GGT1: variants seen among roughly 807,000 people sequenced by gnomAD.
The protein encoded by GGT1 is glutathione hydrolase 1 proenzyme.
A neutral mutation model predicts 56.0 loss-of-function variants in GGT1; 21 were observed. The ratio of observed to expected loss-of-function variants is 0.38; its 90% confidence interval spans 0.27 to 0.54. The LOEUF (loss-of-function observed/expected upper bound fraction) is 0.54. GGT1 is among the 20% of genes least tolerant of loss of function. GGT1 has a pLI of 0.82. For missense variants in GGT1, 466 were observed against 787.0 expected (o/e 0.59, Z 4.88); for synonymous variants, 238 against 342.6 (o/e 0.69, Z 3.37).
chr22:24,584,813 G>A, the GGT1 span, among the ~76,000 whole-genome samples: 3 of 151,628 alleles, frequency 2.0e-5, no homozygotes, highest in Non-Finnish European at 2.9e-5. Flanking sequence ...TTCCTTTCCC[G>A]CCTGCCCTGC....
At chr22:24,594,006 G>A (rs569468819), upstream of GGT1, among the ~76,000 whole-genome samples, 1 of 152,318 alleles carries the variant, frequency 6.6e-6, no homozygotes, top group East Asian at 1.9e-4. Context: ...GCAGCAGGCG[G>A]GCTGTATCTG....
chr22:24,605,170 A>G (rs1203243261), intron 1 of GGT1, among the ~76,000 whole-genome samples: 1 of 75,932 alleles, frequency 1.3e-5, no homozygotes, highest in Non-Finnish European at 2.1e-5. Flanking sequence ...TATATATTAT[A>G]TAATATGTAA....
upstream of GGT1, among the ~76,000 whole-genome samples, chr22:24,600,793 GCT>G (rs1352324159): frequency 2.1e-4 from 32 of 152,204 alleles, 1 homozygote; most frequent in Non-Finnish European, 4.1e-4. Flanking sequence ...CTGCTTCTCT[GCT>G]CTGTGACCTT....
At chr22:24,599,734 G>A (rs112403677), upstream of GGT1, among the ~76,000 whole-genome samples, 1,265 of 152,332 alleles carry the variant, frequency 8.3e-3, 7 homozygotes, top group Middle Eastern at 0.017. Flanking sequence ...CCAGCAGGGC[G>A]CAGACTCGTC....
Position 24,628,141 on chromosome 22 carries a change from G to A in GGT1, c.1397G>A (p.Arg466Gln), listed in dbSNP as rs200266956. The change falls in exon 14 of 16, where the codon CGG (arginine) becomes CAG (glutamine). Residue 466 changes from arginine (R) to glutamine (Q), a missense_variant. This residue lies in a region of GGT1 where 456 missense variants were observed against 716.7 expected (regional missense o/e 0.64). Coordinates refer to ENST00000400382, the MANE Select transcript of GGT1 (RefSeq NM_001288833.2). This position sits in a 1 kb window ranked among gnomAD's most constrained non-coding sequence, Gnocchi z 5.7. ...TIMVGQDGQV[R>Q]MVVGAAGGTQ... ...ATGGTGGGCCAGGACGGCCAGGTCC[G>A]GATGGTGGTGGGAGCTGCTGGGGGC... The A allele has an allele frequency of 2.0e-3, 3,223 of 1,611,998 alleles. 12 individuals are homozygous for A. The highest frequency in any genetic ancestry group is 5.5e-3 in the South Asian group (501 of 90,984).
chr22:24,586,403 C>G, the GGT1 span: 346 of 1,610,792 alleles, frequency 2.1e-4, no homozygotes, highest in Non-Finnish European at 2.7e-4. Flanking sequence ...CTGGAGGCTG[C>G]TCTTGAGGCT....
the GGT1 span, chr22:24,586,165 G>C: frequency 6.2e-7 from 1 of 1,613,562 alleles, no homozygotes; most frequent in South Asian, 1.1e-5. Context: ...TGCGGGCAGT[G>C]GCCCGCGTCA....
chr22:24,595,970 A>G (rs549251991), intron 1 of GGT1, among the ~76,000 whole-genome samples: 1 of 152,372 alleles, frequency 6.6e-6, no homozygotes, highest in South Asian at 2.1e-4. Context: ...AGAAGGACAC[A>G]GAATGGTTTG....
chr22:24,597,131 C>T (rs914520241), intron 1 of GGT1, among the ~76,000 whole-genome samples: 2 of 151,630 alleles, frequency 1.3e-5, no homozygotes, highest in African/African-American at 2.4e-5. Flanking sequence ...TACAGGTGCC[C>T]GCCACCACGC....
chr22:24,619,900 CA>C (rs1180620367), intron 7 of GGT1, among the ~76,000 whole-genome samples: 1 of 150,794 alleles, frequency 6.6e-6, no homozygotes, highest in African/African-American at 2.5e-5. Context: ...CCTGGGACAG[CA>C]AAACCCAGCC....
At chr22:24,596,101 G>A (rs1403661680) in intron 1 of GGT1, among the ~76,000 whole-genome samples, 4 of 152,224 alleles carry the variant, frequency 2.6e-5, no homozygotes, top group African/African-American at 9.6e-5. Flanking sequence ...TCATGAGGCT[G>A]TAGTAGGCAG....
chr22:24,585,932 G>A, the GGT1 span: 3 of 1,608,116 alleles, frequency 1.9e-6, no homozygotes, highest in African/African-American at 2.7e-5. Flanking sequence ...CCCAGCAGCT[G>A]TGGAGTCCCA....
At chr22:24,624,137 C>T (rs2047600073) in intron 11 of GGT1, 2 of 985,378 alleles carry the variant, frequency 2.0e-6, no homozygotes, top group Non-Finnish European at 2.4e-6. Flanking sequence ...TGGCCACCCT[C>T]CTACCTCAGG....
upstream of GGT1, among the ~76,000 whole-genome samples, chr22:24,594,391 A>T (rs2070476): frequency 2.1e-5 from 3 of 142,208 alleles, no homozygotes; most frequent in Admixed American, 6.8e-5. Context: ...ACCCGTGTGT[A>T]TGTGTGTGTG....
the GGT1 span, chr22:24,588,324 A>T: frequency 6.2e-7 from 1 of 1,611,220 alleles, no homozygotes. Flanking sequence ...TCCAGAGCTC[A>T]TAGTCCTGTG....
At chr22:24,588,621 A>G in the GGT1 span, 1 of 1,058,148 alleles carries the variant, frequency 9.5e-7, no homozygotes, top group Non-Finnish European at 1.2e-6. Flanking sequence ...GCCCAGGGCC[A>G]GCGTCTCGGG....
chr22:24,614,657 C>T, intron 5 of GGT1, 119 bp from the exon 6 acceptor site: 2 of 854,862 alleles, frequency 2.3e-6, no homozygotes, highest in Non-Finnish European at 3.7e-6. Flanking sequence ...AAAACAAAAA[C>T]CCCAAAACTC....
At chr22:24,607,933 A>G (rs2046428081) in intron 1 of GGT1, 21 bp from the exon 2 acceptor site, 2 of 466,598 alleles carry the variant, frequency 4.3e-6, no homozygotes, top group South Asian at 3.1e-5. Flanking sequence ...CAGGCAGACA[A>G]GTCTGTCTCT....
In GGT1 at chr22:24,611,514, C is replaced by CCTATCTAT. The variant is rs201643332; in HGVS notation, c.164+291_164+298dup. On this transcript the variant is annotated intron_variant, in intron 5 of 15. Transcript: ENST00000400382. Reference sequence around the variant, plus strand: ...TGGTTGTTATTTTTACTTATTTCTTCCTATCTATCTATCTATCTATCTATC... The same window carrying CCTATCTAT: ...TGGTTGTTATTTTTACTTATTTCTTCCTATCTATCTATCTATCTATCTATCTATCTATC... Among the ~76,000 whole-genome samples the CCTATCTAT allele has an allele frequency of 1.2e-3, 159 of 136,752 alleles. 1 individual carries two copies. Among genetic ancestry groups the CCTATCTAT allele is most frequent in the African/African-American group, 2.3e-3 (68 of 30,036 alleles). The allele number at this position is 136,752 out of a possible 152,430, so 89.7% of individuals were successfully genotyped here. A position where few individuals can be genotyped will look rare whatever the true frequency, so the allele number is the denominator to read the frequency against.
Sources: allele counts gnomAD v4.1 joint callset (sites outside exome capture counted in the v4.1 genomes callset), GRCh38; gene constraint gnomAD v4.1.1; regional missense constraint gnomAD v4.1.1; non-coding constraint Gnocchi (gnomAD v3.1); transcripts MANE v1.5; gene names NCBI Gene and HGNC (gene_info 2026-07-23, HGNC 2026-07-21).